The following SPACA7 variants were observed in gnomAD, a reference collection of about 807,000 sequenced individuals.
SPACA7 encodes the protein sperm acrosome-associated protein 7.
A neutral mutation model predicts 26.3 loss-of-function variants in SPACA7; 19 were observed. The ratio of observed to expected loss-of-function variants is 0.72; its 90% CI spans 0.50 to 1.06. SPACA7 has a LOEUF of 1.06. Ranked by LOEUF, SPACA7 falls within the 50% of genes least tolerant of loss-of-function variation. The pLI is 0.00. For missense variants in SPACA7, 211 were observed against 229.9 expected, an observed-to-expected ratio of 0.92 and a Z score of 0.53; for synonymous variants, 84 against 84.5, an observed-to-expected ratio of 0.99 and a Z score of 0.04.
chr13:112,390,163 G>T (rs1177857948), intron 1 of SPACA7, among the ~76,000 whole-genome samples: 1 of 152,086 alleles, frequency 6.6e-6, no homozygotes, highest in Non-Finnish European at 1.5e-5. Flanking sequence ...AGGCCCAGGG[G>T]GACACATCCA....
chr13:112,408,545 G>A (rs868384836), intron 5 of SPACA7, among the ~76,000 whole-genome samples: 21 of 93,612 alleles, frequency 2.2e-4, no homozygotes, highest in East Asian at 9.0e-4. Context: ...ATCAATGTGC[G>A]AAAATCACAA....
chr13:112,402,890 T>C (rs904120229), intron 5 of SPACA7, among the ~76,000 whole-genome samples: 1 of 152,224 alleles, frequency 6.6e-6, no homozygotes, highest in African/African-American at 2.4e-5. Flanking sequence ...TAGATTCAAC[T>C]TGCCAATATT....
At chr13:112,400,195 G>A (rs1329959840) in intron 4 of SPACA7, among the ~76,000 whole-genome samples, 2 of 152,160 alleles carry the variant, frequency 1.3e-5, no homozygotes, top group African/African-American at 4.8e-5. Context: ...CATTTCTGTA[G>A]GAGCCCAGGA....
At chr13:112,379,006 C>T (rs12184652) in intron 1 of SPACA7, among the ~76,000 whole-genome samples, 30,691 of 152,076 alleles carry the variant, frequency 0.2, 3,687 homozygotes, top group South Asian at 0.34. Context: ...AGTGTAATTA[C>T]CAAATTGTTG....
chr13:112,421,160 A>G (rs935075061), intron 5 of SPACA7, among the ~76,000 whole-genome samples: 1 of 150,658 alleles, frequency 6.6e-6, no homozygotes, highest in African/African-American at 2.5e-5. Context: ...ACATTTTGGT[A>G]CTGTTAGTTG....
At chr13:112,397,650 G>T (rs1885361036) in intron 2 of SPACA7, among the ~76,000 whole-genome samples, 1 of 152,186 alleles carries the variant, frequency 6.6e-6, no homozygotes, top group Non-Finnish European at 1.5e-5. Flanking sequence ...AGAAAATGCG[G>T]CTGTGTTGAC....
intron 5 of SPACA7, among the ~76,000 whole-genome samples, chr13:112,410,072 T>C (rs9577359): frequency 6.6e-6 from 1 of 152,008 alleles, no homozygotes; most frequent in Non-Finnish European, 1.5e-5. Flanking sequence ...TGTAGGGACA[T>C]GGATGAAACT....
chr13:112,398,070 T>G lies in SPACA7; in HGVS notation c.173T>G (p.Ile58Ser). The change falls in exon 3 of 7, where the codon ATT becomes AGT. Residue 58 changes from isoleucine to serine, a missense_variant. Ile to Ser is a moderately radical substitution (Grantham distance 142). Transcript: ENST00000283550. ...ELLDEILVQE[I>S]LDLNKTTPSE... The stretch of plus-strand genomic sequence containing the variant: ...CAAGATGAAATTCTGGTCCAGGAGA[T>G]TTTAGATCTGAATAAAACAACACCG... The G allele has an allele frequency of 1.2e-6, 2 of 1,613,004 alleles. No individual in the cohort carries two copies. Among genetic ancestry groups the G allele is most frequent in the African/African-American group, 2.7e-5 (2 of 74,924 alleles).
chr13:112,423,906 A>G (rs974940766), intron 5 of SPACA7, among the ~76,000 whole-genome samples: 1 of 152,240 alleles, frequency 6.6e-6, no homozygotes, highest in African/African-American at 2.4e-5. Flanking sequence ...CATATCTTCA[A>G]ACGATTTTTT....
At chr13:112,384,577 G>A (rs1051243563) in intron 1 of SPACA7, among the ~76,000 whole-genome samples, 5 of 152,110 alleles carry the variant, frequency 3.3e-5, no homozygotes, top group South Asian at 2.1e-4. Flanking sequence ...ATTTTGGAAC[G>A]TTTGTCAAAT....
intron 1 of SPACA7, among the ~76,000 whole-genome samples, chr13:112,385,574 C>T (rs1367211266): frequency 6.6e-6 from 1 of 152,084 alleles, no homozygotes; most frequent in Non-Finnish European, 1.5e-5. Flanking sequence ...TCTAATGCTT[C>T]AAAGTAGGTA....
intron 1 of SPACA7, among the ~76,000 whole-genome samples, chr13:112,385,772 A>G (rs953676430): frequency 3.3e-5 from 5 of 152,222 alleles, no homozygotes; most frequent in Admixed American, 6.5e-5. Context: ...TAAAGTTTCT[A>G]CTTTTCTGAC....
chr13:112,408,951 C>T lies in SPACA7; in HGVS notation c.445+7787C>T, dbSNP rs185951227. Among the ~76,000 whole-genome samples the T allele has an allele frequency of 2.0e-3, 311 of 152,290 alleles. 2 individuals are homozygous for T. The highest frequency in any genetic ancestry group is 0.011 in the East Asian group (57 of 5,180). ...AACAAAGCTGGAGGCATCATGCTACCTGACTTCAAACTATACTACAAGGCT... is the reference window on the plus strand; with the variant it reads ...AACAAAGCTGGAGGCATCATGCTACTTGACTTCAAACTATACTACAAGGCT... On this transcript the variant is annotated intron_variant, in intron 5 of 6. Coordinates refer to ENST00000283550, the MANE Select transcript of SPACA7 (RefSeq NM_145248.5).
At chr13:112,404,346 G>C (rs1885839642) in intron 5 of SPACA7, among the ~76,000 whole-genome samples, 1 of 152,138 alleles carries the variant, frequency 6.6e-6, no homozygotes, top group Non-Finnish European at 1.5e-5. Flanking sequence ...AGATTGTGAA[G>C]ATTTTCTCCC....
chr13:112,411,218 A>G lies in SPACA7; in HGVS notation c.445+10054A>G, dbSNP rs557400269. On this transcript the variant is annotated intron_variant, in intron 5 of 6. Coordinates refer to ENST00000283550, the MANE Select transcript of SPACA7 (RefSeq NM_145248.5). The stretch of plus-strand genomic sequence containing the variant: ...TTAAGAAAGTTTATATTTTTGTTCT[A>G]CTAAACACCTTTGTACTTACAACTT... 3.1e-3 allele frequency among the ~76,000 whole-genome samples: 474 copies of G among 151,840 alleles called. 3 individuals carry two copies. The highest frequency in any genetic ancestry group is 0.014 in the Middle Eastern group (4 of 294).
At chr13:112,422,910 C>A (rs1876126656) in intron 5 of SPACA7, among the ~76,000 whole-genome samples, 1 of 152,156 alleles carries the variant, frequency 6.6e-6, no homozygotes, top group Non-Finnish European at 1.5e-5. Context: ...TCTGAATCAT[C>A]AGAATTGTCT....
At chr13:112,401,248 G>T in intron 5 of SPACA7, 84 bp downstream of exon 5, 2 of 1,013,040 alleles carry the variant, frequency 2.0e-6, no homozygotes, top group Admixed American at 1.9e-5. Context: ...CTCCAGCCTC[G>T]CCAGTATGCC....
At chr13:112,388,995 A>T (rs1884708955) in intron 1 of SPACA7, among the ~76,000 whole-genome samples, 2 of 152,130 alleles carry the variant, frequency 1.3e-5, no homozygotes, top group African/African-American at 4.8e-5. Flanking sequence ...AAAATATCTC[A>T]AGCACTGATC....
At chr13:112,392,372 C>T (rs1173444694) in intron 1 of SPACA7, among the ~76,000 whole-genome samples, 2 of 152,138 alleles carry the variant, frequency 1.3e-5, no homozygotes, top group African/African-American at 2.4e-5. Flanking sequence ...TTCCAGACCT[C>T]GGCATTTCAC....
Sources: gnomAD v4.1 joint callset for allele counts (sites outside exome capture counted in the v4.1 genomes callset) on GRCh38, gnomAD v4.1.1 for gene constraint, MANE v1.5 for transcripts, NCBI Gene and HGNC (gene_info 2026-07-23, HGNC 2026-07-21) for gene names.